Variants in LELP1 observed in about 807,000 individuals in gnomAD.
LELP1 encodes the protein late cornified envelope like proline rich 1.
LELP1 carries 1 observed loss-of-function variant against 0.3 expected under a neutral mutation model. That is an observed-to-expected ratio of 2.87 (90% CI 1.02 to 13.63). LELP1 has a LOEUF of 13.63. Ranked by LOEUF, LELP1 falls within the 30% of genes most tolerant of loss-of-function variation. LELP1 has a pLI of 0.12. For missense variants in LELP1, 122 were observed against 118.7 expected (o/e 1.03, Z -0.13); for synonymous variants, 57 against 45.9 (o/e 1.24, Z -0.97).
intron 1 of LELP1, among the ~76,000 whole-genome samples, chr1:153,204,211 C>T (rs1420167579): frequency 1.3e-5 from 2 of 152,136 alleles, no homozygotes; most frequent in Non-Finnish European, 2.9e-5. Context: ...TCCTAGGCCC[C>T]CAAGTCTGCT....
rs1557779339 is a variant in LELP1, at chr1:153,204,916, C to T, written c.209C>T (p.Pro70Leu). 6.2e-6 allele frequency: 10 copies of T among 1,613,838 alleles called. No individual in the cohort carries two copies. The highest frequency in any genetic ancestry group is 8.5e-6 in the Non-Finnish European group (10 of 1,179,862). The stretch of plus-strand genomic sequence containing the variant: ...CCCTCGCAGTCTCCTTCATCCTGCC[C>T]TCCCCAGCCCTGCACCAAGCCCTGT... The part of the protein sequence containing the change: ...PCPSQSPSSC[P>L]PQPCTKPCPP... Residue 70 changes from proline (P) to leucine (L), a missense_variant, in exon 2 of 2, where the codon CCT becomes CTT. By Grantham distance (98) the Pro-to-Leu change is moderately conservative. Transcript: ENST00000368747.
Position 153,205,004 on chromosome 1 carries a change from A to G in LELP1, c.297A>G (p.Ter99TrpextTer25). Residue 99 changes from the stop codon to tryptophan, a stop_lost, in exon 2 of 2, where the codon TGA becomes TGG. Transcript: ENST00000368747. ...ACPPPCPPPE[*>W] ...CACCTCCCTGCCCTCCCCCAGAGTGAGGCACTGTGGGCACTACCCAACCCC... is the reference window on the plus strand; with the variant it reads ...CACCTCCCTGCCCTCCCCCAGAGTGGGGCACTGTGGGCACTACCCAACCCC... 1 of 1,608,612 alleles carries G rather than the reference A, an allele frequency of 6.2e-7. No homozygotes were observed. The highest frequency in any genetic ancestry group is 2.2e-5 in the East Asian group (1 of 44,764).
At position 153,205,050 on chromosome 1, in the gene LELP1, C is replaced by T. The variant is rs1244646615; in HGVS notation, c.*46C>T. ...ACCCCACCACCACTGCCACCTCCAC[C>T]ATGTACAACGCTGTGGGGCTGGAGA... On this transcript the variant is annotated 3_prime_UTR_variant, in exon 2 of 2. Transcript: ENST00000368747. 2 of 1,427,414 alleles carry T rather than the reference C, an allele frequency of 1.4e-6. No homozygotes were observed. Among genetic ancestry groups the T allele is most frequent in the Non-Finnish European group, 2.0e-6 (2 of 1,018,680 alleles). 88.4% of individuals were successfully genotyped at this position (1,427,414 alleles called of 1,614,324 possible).
At chr1:153,203,761 A>T (rs1657699204) in intron 1 of LELP1, among the ~76,000 whole-genome samples, 1 of 152,234 alleles carries the variant, frequency 6.6e-6, no homozygotes, top group Non-Finnish European at 1.5e-5. Flanking sequence ...TACTGATTTT[A>T]AAACAAAATT....
Position 153,204,865 on chromosome 1 carries a change from C to T in LELP1, c.158C>T (p.Pro53Leu), listed in dbSNP as rs754474103. ...GAAAAGTGCCCATGGGAAAAGTGTC[C>T]AGCACCACCCAAGTGCCTGCCCTGC... ...CFEKCPWEKC[P>L]APPKCLPCPS... Residue 53 changes from proline (P) to leucine (L), a missense_variant, in exon 2 of 2, where the codon CCA (proline) becomes CTA (leucine). Physicochemically the swap from Pro to Leu is moderately conservative, Grantham distance 98. Transcript: ENST00000368747. The T allele has an allele frequency of 1.9e-6, 3 of 1,614,016 alleles. No individual in the cohort carries two copies. Among genetic ancestry groups the T allele is most frequent in the South Asian group, 1.1e-5 (1 of 91,088 alleles).
intron 1 of LELP1, among the ~76,000 whole-genome samples, chr1:153,204,438 A>G (rs1036301006): frequency 6.6e-6 from 1 of 152,160 alleles, no homozygotes; most frequent in African/African-American, 2.4e-5. Context: ...GTCCAAAACC[A>G]TAGGTTAAGA....
chr1:153,204,744 A>C lies in LELP1; in HGVS notation c.37A>C (p.Lys13Gln). The change falls in exon 2 of 2, where the codon AAG becomes CAG. Residue 13 changes from lysine to glutamine, a missense_variant. Physicochemically the swap from Lys to Gln is moderately conservative, Grantham distance 53 (BLOSUM62 1). Coordinates refer to ENST00000368747, the MANE Select transcript of LELP1 (RefSeq NM_001010857.3). ...TGATAAAAGTAAATCAAATGACCCCAAGACTGAGCCCAAGAACTGCGATCC... is the reference window on the plus strand; with the variant it reads ...TGATAAAAGTAAATCAAATGACCCCCAGACTGAGCCCAAGAACTGCGATCC... ...SDDKSKSNDP[K>Q]TEPKNCDPKC... 6.2e-7 allele frequency: 1 copy of C among 1,614,138 alleles called. No homozygotes were observed. Among genetic ancestry groups the C allele is most frequent in the East Asian group, 2.2e-5 (1 of 44,874 alleles).
chr1:153,204,791 G>A lies in LELP1; in HGVS notation c.84G>A (p.Glu28=). The change falls in exon 2 of 2, where the codon GAG becomes GAA. Residue 28 remains glutamate, a synonymous_variant. Transcript: ENST00000368747. ...NCDPKCEQKC[E]SKCQPSCLKK... ...ATCCCAAGTGTGAACAAAAGTGTGA[G>A]TCCAAATGCCAGCCCAGCTGTTTAA... 6.2e-7 allele frequency: 1 copy of A among 1,614,154 alleles called. No individual in the cohort carries two copies. The highest frequency in any genetic ancestry group is 8.5e-7 in the Non-Finnish European group (1 of 1,179,988).
intron 1 of LELP1, among the ~76,000 whole-genome samples, chr1:153,204,258 T>A (rs898060109): frequency 6.6e-6 from 1 of 152,192 alleles, no homozygotes; most frequent in Non-Finnish European, 1.5e-5. Flanking sequence ...GAACAGGAAG[T>A]GGCCTTAGAG....
chr1:153,204,117 T>C (rs987212764), intron 1 of LELP1, among the ~76,000 whole-genome samples: 2 of 152,170 alleles, frequency 1.3e-5, no homozygotes, highest in African/African-American at 4.8e-5. Context: ...GGGATTAAAT[T>C]ACTTTCCCTC....
intron 1 of LELP1, 133 bp from the exon 2 acceptor site, chr1:153,204,554 G>T (rs1174342970): frequency 1.4e-6 from 1 of 691,232 alleles, no homozygotes; most frequent in African/African-American, 1.8e-5. Context: ...CAAGGATGAG[G>T]GCGGCCCTAA....
At position 153,205,047 on chromosome 1, in the gene LELP1, C is replaced by T. The variant is rs1327550232; in HGVS notation, c.*43C>T. 6.9e-7 allele frequency: 1 copy of T among 1,453,306 alleles called. No individual in the cohort carries two copies. Among genetic ancestry groups the T allele is most frequent in the Non-Finnish European group, 9.6e-7 (1 of 1,040,668 alleles). 90.0% of individuals were successfully genotyped at this position (1,453,306 alleles called of 1,614,324 possible). On this transcript the variant is annotated 3_prime_UTR_variant, in exon 2 of 2. Coordinates refer to ENST00000368747, the MANE Select transcript of LELP1 (RefSeq NM_001010857.3). ...CCAACCCCACCACCACTGCCACCTCCACCATGTACAACGCTGTGGGGCTGG... is the reference window on the plus strand; with the variant it reads ...CCAACCCCACCACCACTGCCACCTCTACCATGTACAACGCTGTGGGGCTGG...
chr1:153,204,502 G>A (rs1490826208), intron 1 of LELP1, among the ~76,000 whole-genome samples, 185 bp from the exon 2 acceptor site: 1 of 152,146 alleles, frequency 6.6e-6, no homozygotes, highest in Non-Finnish European at 1.5e-5. Context: ...AGGAAGCAGA[G>A]TTAAGGGTGG....
intron 1 of LELP1, among the ~76,000 whole-genome samples, chr1:153,204,010 T>C (rs1014810555): frequency 3.3e-5 from 5 of 152,222 alleles, no homozygotes; most frequent in Admixed American, 3.3e-4. Flanking sequence ...GTGGTTCATC[T>C]CCTGATTTCT....
Position 153,204,866 on chromosome 1 carries a change from A to G in LELP1, c.159A>G (p.Pro53=). The change falls in exon 2 of 2, where the codon CCA becomes CCG. Residue 53 remains proline (P), a synonymous_variant. Transcript: ENST00000368747. ...AAAAGTGCCCATGGGAAAAGTGTCCAGCACCACCCAAGTGCCTGCCCTGCC... is the reference window on the plus strand; with the variant it reads ...AAAAGTGCCCATGGGAAAAGTGTCCGGCACCACCCAAGTGCCTGCCCTGCC... ...CFEKCPWEKC[P]APPKCLPCPS... The G allele has an allele frequency of 5.0e-6, 8 of 1,614,154 alleles. No homozygotes were observed. The highest frequency in any genetic ancestry group is 5.9e-6 in the Non-Finnish European group (7 of 1,180,016).
Position 153,205,091 on chromosome 1 carries a change from G to A in LELP1, c.*87G>A, listed in dbSNP as rs943613801. 1.5e-5 allele frequency: 15 copies of A among 1,017,032 alleles called. No homozygotes were observed. Among genetic ancestry groups the A allele is most frequent in the East Asian group, 7.7e-5 (3 of 38,758 alleles). The allele number at this position is 1,017,032 out of a possible 1,614,324, so 63.0% of individuals were successfully genotyped here. On this transcript the variant is annotated 3_prime_UTR_variant, in exon 2 of 2. Coordinates refer to ENST00000368747, the MANE Select transcript of LELP1 (RefSeq NM_001010857.3). ...GGGCTGGAGACTGAAACCATGAACT[G>A]ACAAGTAAACGTGTTCCTCTGCTGT...
In LELP1 at chr1:153,204,920, C is replaced by A; in HGVS notation, c.213C>A (p.Pro71=). 1 of 1,613,900 alleles carries A rather than the reference C, an allele frequency of 6.2e-7. No homozygotes were observed. The highest frequency in any genetic ancestry group is 8.5e-7 in the Non-Finnish European group (1 of 1,179,834). ...CGCAGTCTCCTTCATCCTGCCCTCC[C>A]CAGCCCTGCACCAAGCCCTGTCCTC... ...CPSQSPSSCP[P]QPCTKPCPPK... The change falls in exon 2 of 2, where the codon CCC becomes CCA. Residue 71 remains proline, a synonymous_variant. Transcript: ENST00000368747.
chr1:153,204,925 C>T lies in LELP1; in HGVS notation c.218C>T (p.Pro73Leu). 3 of 1,613,964 alleles carry T rather than the reference C, an allele frequency of 1.9e-6. No homozygotes were observed. In the East Asian group the frequency reaches 6.7e-5, roughly 36 times the overall value. The stretch of plus-strand genomic sequence containing the variant: ...TCTCCTTCATCCTGCCCTCCCCAGC[C>T]CTGCACCAAGCCCTGTCCTCCTAAA... The part of the protein sequence containing the change: ...SQSPSSCPPQ[P>L]CTKPCPPKCP... Residue 73 changes from proline to leucine, a missense_variant, in exon 2 of 2, where the codon CCC becomes CTC. By Grantham distance (98) the Pro-to-Leu change is moderately conservative. Transcript: ENST00000368747.
At chr1:153,204,362 C>T (rs73008417) in intron 1 of LELP1, among the ~76,000 whole-genome samples, 3,025 of 152,140 alleles carry the variant, frequency 0.02, 31 homozygotes, top group Middle Eastern at 0.071. Context: ...TTAAATACAA[C>T]ATATGGAGTT....
Sources: allele counts gnomAD v4.1 joint callset (sites outside exome capture counted in the v4.1 genomes callset), GRCh38; gene constraint gnomAD v4.1.1; transcripts MANE v1.5; gene names NCBI Gene and HGNC (gene_info 2026-07-23, HGNC 2026-07-21).